Variants in SCGN observed in about 807,000 individuals in gnomAD.
SCGN encodes secretagogin.
A neutral mutation model predicts 39.7 loss-of-function variants in SCGN; 30 were observed. The ratio of observed to expected loss-of-function variants is 0.76; its 90% CI spans 0.57 to 1.03. The LOEUF (loss-of-function observed/expected upper bound fraction) is 1.03, where lower values mean the gene tolerates loss of function less well. Among genes scored for constraint, SCGN ranks in the 50% least tolerant of loss-of-function variants. SCGN has a pLI of 0.00. For synonymous variants in SCGN, 106 were observed against 114.1 expected, an observed-to-expected ratio of 0.93 and a Z score of 0.45; for missense variants, 353 against 349.4, an observed-to-expected ratio of 1.01 and a Z score of -0.08.
chr6:25,695,267 C>T (rs1759824089), intron 10 of SCGN, among the ~76,000 whole-genome samples: 2 of 152,146 alleles, frequency 1.3e-5, no homozygotes, highest in Admixed American at 1.3e-4. Flanking sequence ...TAAAAAAGCA[C>T]TGTATATACT....
chr6:25,653,324 A>G, intron 1 of SCGN, 58 bp from the exon 2 acceptor site: 2 of 1,147,310 alleles, frequency 1.7e-6, no homozygotes, highest in Non-Finnish European at 2.6e-6. Context: ...ATTTAGATAA[A>G]TACTGTCATG....
At chr6:25,668,916 C>G (rs1759446307) in intron 4 of SCGN, among the ~76,000 whole-genome samples, 1 of 152,106 alleles carries the variant, frequency 6.6e-6, no homozygotes, top group Admixed American at 6.5e-5. Flanking sequence ...TCGAGACCAT[C>G]CTGGCTAACA....
intron 4 of SCGN, among the ~76,000 whole-genome samples, chr6:25,667,062 A>G (rs1268323727): frequency 6.6e-6 from 1 of 152,208 alleles, no homozygotes; most frequent in East Asian, 1.9e-4. Flanking sequence ...ACACAGAAAC[A>G]ATAAGTAATT....
At chr6:25,656,003 T>G (rs1394788710) in intron 2 of SCGN, among the ~76,000 whole-genome samples, 1 of 152,224 alleles carries the variant, frequency 6.6e-6, no homozygotes, top group Non-Finnish European at 1.5e-5. Flanking sequence ...CTGGGGAGTG[T>G]GTTTGCAGGG....
At chr6:25,682,589 T>C (rs1365346463) in intron 7 of SCGN, among the ~76,000 whole-genome samples, 3 of 152,168 alleles carry the variant, frequency 2.0e-5, no homozygotes, top group Non-Finnish European at 2.9e-5. Context: ...CCAAACAGCA[T>C]GGAGTTGTCT....
intron 10 of SCGN, among the ~76,000 whole-genome samples, chr6:25,691,849 TTAGAG>T (rs1759777375): frequency 6.6e-6 from 1 of 152,158 alleles, no homozygotes; most frequent in African/African-American, 2.4e-5. Context: ...TGGCAAAAAA[TTAGAG>T]TAGCAATTAT....
intron 7 of SCGN, among the ~76,000 whole-genome samples, chr6:25,685,947 T>C (rs1437623994): frequency 6.6e-6 from 1 of 152,206 alleles, no homozygotes; most frequent in East Asian, 1.9e-4. Context: ...CTACTTTCTA[T>C]TTCTATCGAC....
At chr6:25,681,291 A>G (rs1466812695) in intron 6 of SCGN, among the ~76,000 whole-genome samples, 1 of 152,246 alleles carries the variant, frequency 6.6e-6, no homozygotes, top group Non-Finnish European at 1.5e-5. Flanking sequence ...CCTATACCCT[A>G]TGAGAGTACC....
Position 25,683,639 on chromosome 6 carries a change from C to T in SCGN, c.527+1633C>T, listed in dbSNP as rs563491824. On this transcript the variant is annotated intron_variant, in intron 7 of 10. Transcript: ENST00000377961. ...TAATGCACATTTCAGTGTATAAGTGCTTGCATACAATCATAGTGAAGATAT... is the reference window on the plus strand; with the variant it reads ...TAATGCACATTTCAGTGTATAAGTGTTTGCATACAATCATAGTGAAGATAT... Among the ~76,000 whole-genome samples the T allele has an allele frequency of 1.2e-4, 19 of 152,294 alleles. No individual in the cohort carries two copies. In the East Asian group the frequency reaches 3.7e-3, roughly 29 times the overall value.
chr6:25,694,808 C>G (rs1759819178), intron 10 of SCGN, among the ~76,000 whole-genome samples: 1 of 152,110 alleles, frequency 6.6e-6, no homozygotes, highest in Non-Finnish European at 1.5e-5. Flanking sequence ...CAAAGGATGG[C>G]CAGTAGTTGA....
intron 2 of SCGN, 27 bp from the exon 3 acceptor site, chr6:25,661,525 A>G (rs1185790632): frequency 1.2e-5 from 18 of 1,521,966 alleles, no homozygotes; most frequent in Non-Finnish European, 1.6e-5. Context: ...CAGTGGCTTT[A>G]ATGTGGCTCT....
chr6:25,700,865 A>C (rs1190047804), intron 10 of SCGN, among the ~76,000 whole-genome samples: 1 of 152,200 alleles, frequency 6.6e-6, no homozygotes, highest in Non-Finnish European at 1.5e-5. Flanking sequence ...TTCTCTCATC[A>C]GTGCAGCAAG....
In SCGN at chr6:25,669,988, T is replaced by C; in HGVS notation, c.394-11T>C. On this transcript the variant is annotated splice_polypyrimidine_tract_variant and intron_variant, in intron 5 of 10. Coordinates refer to ENST00000377961, the MANE Select transcript of SCGN (RefSeq NM_006998.4). ...ACTATATAAAGTATGATTCTTCTCT[T>C]GGCGCCACAGAACTTCCTCCGAGAC... 2 of 1,610,736 alleles carry C rather than the reference T, an allele frequency of 1.2e-6. No individual in the cohort carries two copies. The highest frequency in any genetic ancestry group is 1.3e-5 in the African/African-American group (1 of 74,938).
At chr6:25,658,126 G>GCTTGAA (rs1245034753) in intron 2 of SCGN, among the ~76,000 whole-genome samples, 1 of 136,392 alleles carries the variant, frequency 7.3e-6, no homozygotes, top group Non-Finnish European at 1.5e-5. Flanking sequence ...TGCAACCTCC[G>GCTTGAA]CCTCACGGGT....
At chr6:25,689,659 C>A in intron 9 of SCGN, 127 bp downstream of exon 9, 1 of 758,330 alleles carries the variant, frequency 1.3e-6, no homozygotes, top group Non-Finnish European at 2.3e-6. Context: ...TCTGTGTGTT[C>A]TAGGTCAAGG....
intron 3 of SCGN, among the ~76,000 whole-genome samples, chr6:25,664,696 G>A (rs1411308577): frequency 6.6e-6 from 1 of 152,158 alleles, no homozygotes; most frequent in Non-Finnish European, 1.5e-5. Context: ...CATTATTTTA[G>A]ATTTTAAGCT....
chr6:25,652,480 C>A lies in SCGN; in HGVS notation c.77C>A (p.Ala26Glu). ...GFWQVWQRFD[A>E]DEKGYIEEKE... is the part of the protein sequence containing the mutation. Reference sequence around the variant, plus strand: ...TGGCAGGTCTGGCAGCGCTTTGATGCGGATGGTGAGTAGAACAAGCCACTT... The same window carrying A: ...TGGCAGGTCTGGCAGCGCTTTGATGAGGATGGTGAGTAGAACAAGCCACTT... The change falls in exon 1 of 11, where the codon GCG (alanine) becomes GAG (glutamate). Residue 26 changes from alanine (A) to glutamate (E), a missense_variant. Ala to Glu is a moderately radical substitution (Grantham distance 107). Transcript: ENST00000377961. 4 of 1,613,752 alleles carry A rather than the reference C, an allele frequency of 2.5e-6. No homozygotes were observed. The highest frequency in any genetic ancestry group is 3.4e-6 in the Non-Finnish European group (4 of 1,179,904).
intron 2 of SCGN, among the ~76,000 whole-genome samples, chr6:25,660,922 T>G (rs1484878873): frequency 6.6e-6 from 1 of 152,224 alleles, no homozygotes; most frequent in Non-Finnish European, 1.5e-5. Flanking sequence ...GCATCAGAAT[T>G]CATTCTTTAT....
intron 6 of SCGN, among the ~76,000 whole-genome samples, chr6:25,677,283 A>C (rs1226922078): frequency 6.6e-6 from 1 of 152,130 alleles, no homozygotes; most frequent in Non-Finnish European, 1.5e-5. Flanking sequence ...ATAATGCTGA[A>C]TCTTATTTGT....
Sources: gnomAD v4.1 joint callset for allele counts (sites outside exome capture counted in the v4.1 genomes callset) on GRCh38, gnomAD v4.1.1 for gene constraint, MANE v1.5 for transcripts, NCBI Gene and HGNC (gene_info 2026-07-23, HGNC 2026-07-21) for gene names.